AK8: variants seen among roughly 807,000 people sequenced by gnomAD.
AK8 encodes adenylate kinase 8, also known as ATP-AMP transphosphorylase 8.
In AK8, 44 loss-of-function variants were observed where a neutral mutation model predicts 54.6. The observed-to-expected ratio is 0.81, with a 90% CI of 0.63 to 1.04. The LOEUF (loss-of-function observed/expected upper bound fraction) is 1.04. Ranked by LOEUF, AK8 falls within the 50% of genes least tolerant of loss-of-function variation. The probability of loss-of-function intolerance (pLI) is 0.00; values close to 1 mark genes in which losing one functional copy is unlikely to be tolerated. For missense variants in AK8, 555 were observed against 613.6 expected (o/e 0.90, Z 1.01); for synonymous variants, 239 against 245.6 (o/e 0.97, Z 0.25).
Position 132,821,539 on chromosome 9 carries a change from G to GA in AK8, c.889+1665_889+1666insT, listed in dbSNP as rs1841609194. 2.6e-5 allele frequency among the ~76,000 whole-genome samples: 4 copies of GA among 151,836 alleles called. No individual in the cohort carries two copies. The South Asian group carries it at 8.3e-4, about 32-fold the overall frequency. ...ATCAAATTTGCAGAGTAATTGTTCAGGTCTCTATCTTCATTTTAGGTGTGT... is the reference window on the plus strand; with the variant it reads ...ATCAAATTTGCAGAGTAATTGTTCAGAGTCTCTATCTTCATTTTAGGTGTGT... On this transcript the variant is annotated intron_variant, in intron 9 of 12. Transcript: ENST00000298545.
At chr9:132,743,758 T>C (rs1360692014) in intron 11 of AK8, among the ~76,000 whole-genome samples, 1 of 152,188 alleles carries the variant, frequency 6.6e-6, no homozygotes, top group East Asian at 1.9e-4. Flanking sequence ...ATGCACGTGC[T>C]ATCTTATTTA....
At chr9:132,834,272 C>G (rs1361813709) in intron 5 of AK8, among the ~76,000 whole-genome samples, 2 of 152,150 alleles carry the variant, frequency 1.3e-5, no homozygotes, top group African/African-American at 4.8e-5. Flanking sequence ...GTGATATGTT[C>G]TAAAGCCAAT....
rs184575030 is a variant in AK8, at chr9:132,831,425, C to T, written c.403-2699G>A. On this transcript the variant is annotated intron_variant, in intron 5 of 12. Coordinates refer to ENST00000298545, the MANE Select transcript of AK8 (RefSeq NM_152572.3). ...CAATTTCTAAAGTCCTTTCAAGTCC[C>T]GTGAGTCTAGAGTTACACACACACA... 1.9e-4 allele frequency among the ~76,000 whole-genome samples: 29 copies of T among 152,222 alleles called. No individual in the cohort carries two copies. The East Asian group carries it at 3.3e-3, about 17-fold the overall frequency.
chr9:132,878,668 G>A, upstream of AK8: 1 of 1,001,560 alleles, frequency 1.0e-6, no homozygotes, highest in Non-Finnish European at 1.2e-6. This position sits in a 1 kb window ranked among gnomAD's most constrained non-coding sequence, Gnocchi z 4.7. Flanking sequence ...AACAGACGCG[G>A]GAATAAATGT....
chr9:132,749,711 T>TC (rs1021470963), intron 11 of AK8, among the ~76,000 whole-genome samples: 12 of 151,900 alleles, frequency 7.9e-5, no homozygotes, highest in African/African-American at 2.4e-4. Context: ...TGTTTTTTTT[T>TC]TTTCTTGAGA....
chr9:132,824,241 C>T (rs556605117), intron 8 of AK8, among the ~76,000 whole-genome samples: 35 of 152,328 alleles, frequency 2.3e-4, no homozygotes, highest in African/African-American at 8.4e-4. Flanking sequence ...ACAGATGAGG[C>T]ACGGACCTGT....
intron 5 of AK8, among the ~76,000 whole-genome samples, chr9:132,833,650 G>A (rs886698062): frequency 2.0e-5 from 3 of 152,188 alleles, no homozygotes; most frequent in Non-Finnish European, 4.4e-5. Flanking sequence ...CCAGTGCAGA[G>A]CTGGAGGTCT....
At chr9:132,756,293 T>TTTA (rs757671600) in intron 11 of AK8, among the ~76,000 whole-genome samples, 1 of 152,220 alleles carries the variant, frequency 6.6e-6, no homozygotes. Context: ...AGAGAAAGCT[T>TTTA]TGAGGCCCTC....
chr9:132,877,992 C>T, intron 1 of AK8, 180 bp downstream of exon 1: 1 of 1,461,936 alleles, frequency 6.8e-7, no homozygotes, highest in African/African-American at 1.4e-5. Context: ...GGACCAGGAG[C>T]GTCCCCAGCT....
intron 11 of AK8, among the ~76,000 whole-genome samples, chr9:132,745,478 G>C (rs1484689541): frequency 1.3e-5 from 2 of 152,196 alleles, no homozygotes; most frequent in African/African-American, 4.8e-5. Context: ...TGTAGTTACA[G>C]TACCCGAGCT....
At chr9:132,876,040 A>T (rs1844080673) in intron 1 of AK8, among the ~76,000 whole-genome samples, 2 of 152,204 alleles carry the variant, frequency 1.3e-5, no homozygotes, top group South Asian at 4.1e-4. Flanking sequence ...TGCTGCTGCA[A>T]TAAGGGGTAT....
intron 11 of AK8, among the ~76,000 whole-genome samples, chr9:132,789,653 A>C: frequency 6.6e-6 from 1 of 151,698 alleles, no homozygotes. Flanking sequence ...AGATACTCAA[A>C]TTTATTATCT....
intron 5 of AK8, among the ~76,000 whole-genome samples, chr9:132,843,209 C>T (rs1013045550): frequency 2.0e-5 from 3 of 152,054 alleles, no homozygotes; most frequent in South Asian, 4.1e-4. Flanking sequence ...ATCATGGGGG[C>T]GGGTCCCTCA....
upstream of AK8, chr9:132,878,730 C>A (rs1844275978): frequency 1.0e-6 from 1 of 986,876 alleles, no homozygotes; most frequent in Non-Finnish European, 1.2e-6. The surrounding 1 kb of genome is among the most constrained non-coding windows in gnomAD (Gnocchi z 4.7). Context: ...GCCGGAGGTT[C>A]GAGGATCGGG....
chr9:132,876,299 A>G (rs1844094746), intron 1 of AK8, among the ~76,000 whole-genome samples: 1 of 152,224 alleles, frequency 6.6e-6, no homozygotes, highest in Non-Finnish European at 1.5e-5. Context: ...TCACACATAA[A>G]TATTTTACAT....
At chr9:132,814,528 C>T in intron 10 of AK8, 110 bp downstream of exon 10, 1 of 1,077,546 alleles carries the variant, frequency 9.3e-7, no homozygotes, top group Non-Finnish European at 1.3e-6. Context: ...ATTTCCATTT[C>T]CCGGCTGTTC....
chr9:132,856,686 C>T (rs1276492366), intron 4 of AK8, among the ~76,000 whole-genome samples: 1 of 152,180 alleles, frequency 6.6e-6, no homozygotes, highest in Non-Finnish European at 1.5e-5. Flanking sequence ...TCAGTGCAAT[C>T]ATTAGGGGCA....
At chr9:132,820,743 T>C (rs952329756) in intron 9 of AK8, among the ~76,000 whole-genome samples, 8 of 152,220 alleles carry the variant, frequency 5.3e-5, no homozygotes, top group African/African-American at 9.6e-5. Context: ...TGTTTTTTTG[T>C]TGGTTTGGAG....
chr9:132,863,913 G>A (rs1365772626), intron 3 of AK8, 135 bp from the exon 4 acceptor site: 6 of 697,756 alleles, frequency 8.6e-6, no homozygotes, highest in Non-Finnish European at 1.4e-5. Context: ...TTTCCAGCTG[G>A]AGGACGGCCA....
Sources: gnomAD v4.1 joint callset for allele counts (sites outside exome capture counted in the v4.1 genomes callset) on GRCh38, gnomAD v4.1.1 for gene constraint, Gnocchi (gnomAD v3.1) non-coding constraint, MANE v1.5 for transcripts, NCBI Gene and HGNC (gene_info 2026-07-23, HGNC 2026-07-21) for gene names.